The following NCKAP5 variants were observed in gnomAD, a reference collection of about 807,000 sequenced individuals.
The protein encoded by NCKAP5 is nck-associated protein 5.
Under a neutral mutation model 167.0 loss-of-function variants are expected in NCKAP5, and 92 were observed. The ratio of observed to expected loss-of-function variants is 0.55; its 90% CI spans 0.47 to 0.66. The LOEUF (loss-of-function observed/expected upper bound fraction) is 0.66. NCKAP5 is among the 30% of genes least tolerant of loss of function. NCKAP5 has a pLI of 0.00. For missense variants in NCKAP5, 2,378 were observed against 2,315.0 expected (o/e 1.03, Z -0.56); for synonymous variants, 891 against 877.4 (o/e 1.02, Z -0.27).
At chr2:132,811,240 T>C (rs1685840902) in intron 11 of NCKAP5, among the ~76,000 whole-genome samples, 1 of 152,100 alleles carries the variant, frequency 6.6e-6, no homozygotes, top group African/African-American at 2.4e-5. Flanking sequence ...TTTGTGTTGG[T>C]TGGCCTCCTG....
At chr2:133,471,292 C>T (rs568691750) in intron 3 of NCKAP5, among the ~76,000 whole-genome samples, 142 of 152,124 alleles carry the variant, frequency 9.3e-4, no homozygotes, top group African/African-American at 2.2e-3. Flanking sequence ...GCTAAGTGAG[C>T]GGCTCATATG....
chr2:132,767,461 G>C (rs936920365), intron 16 of NCKAP5, among the ~76,000 whole-genome samples: 3 of 152,196 alleles, frequency 2.0e-5, no homozygotes, highest in East Asian at 1.9e-4. Context: ...GGTCAGGCTG[G>C]TCTCGAACTC....
At chr2:133,649,990 C>T in the NCKAP5 span, among the ~76,000 whole-genome samples, 21 of 152,052 alleles carry the variant, frequency 1.4e-4, 1 homozygote, top group Admixed American at 1.1e-3. Flanking sequence ...ATAAATAAAA[C>T]TGTTAAAACT....
At chr2:133,116,612 G>A (rs986595490) in intron 6 of NCKAP5, among the ~76,000 whole-genome samples, 72 of 151,012 alleles carry the variant, frequency 4.8e-4, no homozygotes, top group African/African-American at 1.7e-3. Context: ...TTAGTAAAAC[G>A]GTATATATCT....
chr2:133,659,538 AC>A, the NCKAP5 span, among the ~76,000 whole-genome samples: 2 of 152,214 alleles, frequency 1.3e-5, no homozygotes, highest in African/African-American at 4.8e-5. Flanking sequence ...GTCAAAGGAT[AC>A]CATCAAGAAC....
intron 5 of NCKAP5, among the ~76,000 whole-genome samples, chr2:133,154,726 G>C (rs980609145): frequency 1.3e-5 from 2 of 152,212 alleles, no homozygotes; most frequent in African/African-American, 4.8e-5. Context: ...TGGTAGATAA[G>C]CTATATGTTG....
intron 6 of NCKAP5, among the ~76,000 whole-genome samples, chr2:133,046,030 C>T (rs1411988823): frequency 1.3e-5 from 2 of 151,942 alleles, no homozygotes; most frequent in African/African-American, 2.4e-5. Context: ...TGATTCACAT[C>T]TCAGGCTGGA....
At chr2:132,807,603 A>G (rs927397056) in intron 11 of NCKAP5, among the ~76,000 whole-genome samples, 3 of 152,118 alleles carry the variant, frequency 2.0e-5, no homozygotes, top group Non-Finnish European at 4.4e-5. Context: ...GTGTACATTA[A>G]TCTTGTATCC....
intron 3 of NCKAP5, among the ~76,000 whole-genome samples, chr2:133,366,067 T>G (rs1421516144): frequency 6.6e-6 from 1 of 152,216 alleles, no homozygotes; most frequent in East Asian, 1.9e-4. Context: ...GGGGAAAAAT[T>G]GATGGTTTGT....
intron 2 of NCKAP5, among the ~76,000 whole-genome samples, chr2:133,543,492 T>C (rs1280936865): frequency 1.3e-5 from 2 of 152,200 alleles, no homozygotes; most frequent in Non-Finnish European, 2.9e-5. Flanking sequence ...CAGATAAAAT[T>C]GTCTCTTTTT....
chr2:132,965,902 CTT>C (rs1009873901), intron 7 of NCKAP5, among the ~76,000 whole-genome samples: 4 of 132,960 alleles, frequency 3.0e-5, no homozygotes, highest in African/African-American at 1.1e-4. Flanking sequence ...GTACATGACT[CTT>C]TGTGTGTGTG....
chr2:133,279,434 T>C (rs1278917210), intron 4 of NCKAP5, among the ~76,000 whole-genome samples: 1 of 152,256 alleles, frequency 6.6e-6, no homozygotes, highest in Non-Finnish European at 1.5e-5. Context: ...AACAATCATT[T>C]TGTTTTCAAA....
At chr2:133,342,363 T>C (rs902802643) in intron 3 of NCKAP5, among the ~76,000 whole-genome samples, 2 of 152,138 alleles carry the variant, frequency 1.3e-5, no homozygotes, top group Non-Finnish European at 2.9e-5. Flanking sequence ...CCACGGACCA[T>C]GTTGTGACAA....
At chr2:133,210,939 G>A (rs1395869681) in intron 5 of NCKAP5, among the ~76,000 whole-genome samples, 1 of 151,986 alleles carries the variant, frequency 6.6e-6, no homozygotes, top group Non-Finnish European at 1.5e-5. Context: ...ATCTCTCAAA[G>A]CATGAGTCAG....
chr2:133,644,933 C>G, the NCKAP5 span, among the ~76,000 whole-genome samples: 1 of 151,534 alleles, frequency 6.6e-6, no homozygotes, highest in East Asian at 1.9e-4. Context: ...AATGAGATCA[C>G]AAAAAAAATG....
At chr2:133,550,503 A>G (rs565371850) in intron 2 of NCKAP5, among the ~76,000 whole-genome samples, 3,104 of 149,240 alleles carry the variant, frequency 0.021, 110 homozygotes, top group African/African-American at 0.072. Context: ...AAACCACAGG[A>G]TTATCTCAAT....
chr2:132,777,502 C>G (rs1682648296), intron 15 of NCKAP5, among the ~76,000 whole-genome samples: 1 of 152,090 alleles, frequency 6.6e-6, no homozygotes, highest in Non-Finnish European at 1.5e-5. Flanking sequence ...ACACTAACGG[C>G]TTCCCAAGAA....
At chr2:132,725,846 T>A (rs1574002277) in intron 18 of NCKAP5, 87 bp from the exon 19 acceptor site, 2 of 1,370,500 alleles carry the variant, frequency 1.5e-6, no homozygotes, top group East Asian at 4.9e-5. Context: ...ACAGTTCACA[T>A]CTGGCTGTCA....
chr2:133,108,400 C>T (rs2081791875), intron 6 of NCKAP5, among the ~76,000 whole-genome samples: 1 of 152,174 alleles, frequency 6.6e-6, no homozygotes, highest in Admixed American at 6.5e-5. Flanking sequence ...AACCATGCTC[C>T]TACATCTCCT....
Sources: allele counts gnomAD v4.1 joint callset (sites outside exome capture counted in the v4.1 genomes callset), GRCh38; gene constraint gnomAD v4.1.1; transcripts MANE v1.5; gene names NCBI Gene and HGNC (gene_info 2026-07-23, HGNC 2026-07-21).